The following ELP4 variants were observed in gnomAD, a reference collection of about 807,000 sequenced individuals.
ELP4 encodes elongator acetyltransferase complex subunit 4.
A neutral mutation model predicts 48.9 loss-of-function variants in ELP4; 51 were observed. The ratio of observed to expected loss-of-function variants is 1.04; its 90% CI spans 0.83 to 1.32. The LOEUF is 1.32. Among genes scored for constraint, ELP4 ranks in the 40% most tolerant of loss-of-function variants. The pLI, the probability that ELP4 is intolerant of heterozygous loss-of-function variation, is 0.00. For synonymous variants in ELP4, 210 were observed against 189.2 expected (o/e 1.11, Z -0.90); for missense variants, 519 against 514.6 (o/e 1.01, Z -0.08).
intron 2 of ELP4, among the ~76,000 whole-genome samples, chr11:31,533,721 G>A (rs1013630129): frequency 2.6e-5 from 4 of 151,942 alleles, no homozygotes; most frequent in African/African-American, 9.7e-5. Flanking sequence ...GAGATCATCA[G>A]GTTTGCATTT....
intron 9 of ELP4, among the ~76,000 whole-genome samples, chr11:31,720,697 A>C (rs1383451736): frequency 6.6e-6 from 1 of 152,200 alleles, no homozygotes; most frequent in Non-Finnish European, 1.5e-5. Flanking sequence ...TATCCTTATT[A>C]AGTGTCCACC....
At chr11:31,618,325 A>C (rs563234007) in intron 5 of ELP4, among the ~76,000 whole-genome samples, 1 of 152,248 alleles carries the variant, frequency 6.6e-6, no homozygotes, top group Non-Finnish European at 1.5e-5. Flanking sequence ...TTGAAAGCCC[A>C]AGGTCAAGTT....
chr11:31,747,843 A>G (rs1482790770), intron 9 of ELP4, among the ~76,000 whole-genome samples: 3 of 152,374 alleles, frequency 2.0e-5, no homozygotes, highest in East Asian at 1.9e-4. Flanking sequence ...CAAATGATTA[A>G]TGATTTTTGC....
chr11:31,717,429 A>G (rs1033896141), intron 9 of ELP4, among the ~76,000 whole-genome samples: 2 of 152,158 alleles, frequency 1.3e-5, no homozygotes, highest in Non-Finnish European at 2.9e-5. Flanking sequence ...TTGTTATTCA[A>G]TGGTTAATAA....
intron 9 of ELP4, among the ~76,000 whole-genome samples, chr11:31,657,722 G>C (rs867977962): frequency 7.2e-4 from 109 of 151,860 alleles, no homozygotes; most frequent in African/African-American, 2.6e-3. Flanking sequence ...AAATATACAG[G>C]AGTTATATAA....
At chr11:31,567,228 C>T (rs1388422232) in intron 3 of ELP4, among the ~76,000 whole-genome samples, 2 of 152,048 alleles carry the variant, frequency 1.3e-5, no homozygotes, top group Admixed American at 1.3e-4. Context: ...CCACCGCACC[C>T]GGCCTGTAGT....
chr11:31,531,611 A>G (rs975058136), intron 2 of ELP4, among the ~76,000 whole-genome samples: 4 of 152,192 alleles, frequency 2.6e-5, no homozygotes, highest in Non-Finnish European at 5.9e-5. Context: ...GCTAACAAGT[A>G]GTTTGCTATC....
intron 9 of ELP4, among the ~76,000 whole-genome samples, chr11:31,746,431 A>G (rs1359227745): frequency 3.3e-5 from 5 of 152,192 alleles, no homozygotes; most frequent in African/African-American, 4.8e-5. Context: ...ATAAAGACAC[A>G]TGCACACGTG....
chr11:31,544,922 A>G (rs1412007332), intron 3 of ELP4, among the ~76,000 whole-genome samples: 2 of 152,166 alleles, frequency 1.3e-5, no homozygotes, highest in Non-Finnish European at 2.9e-5. Flanking sequence ...GCAAACTCCA[A>G]CAGACATGCA....
chr11:31,707,659 A>G (rs954238172), intron 9 of ELP4, among the ~76,000 whole-genome samples: 3 of 152,172 alleles, frequency 2.0e-5, no homozygotes, highest in African/African-American at 7.2e-5. Context: ...TTAAAATAAC[A>G]TAAATTATTT....
intron 1 of ELP4, among the ~76,000 whole-genome samples, chr11:31,519,355 T>G (rs916717402): frequency 6.6e-6 from 1 of 152,236 alleles, no homozygotes; most frequent in East Asian, 1.9e-4. Flanking sequence ...TAATAATCTT[T>G]GTTGTACTTC....
At chr11:31,705,159 T>C (rs1233855178) in intron 9 of ELP4, among the ~76,000 whole-genome samples, 2 of 152,134 alleles carry the variant, frequency 1.3e-5, no homozygotes, top group African/African-American at 2.4e-5. Flanking sequence ...TGGCTCATGG[T>C]TTTGGAGACT....
chr11:31,773,879 T>C (rs1392911034), intron 9 of ELP4, among the ~76,000 whole-genome samples: 5 of 152,186 alleles, frequency 3.3e-5, no homozygotes, highest in Non-Finnish European at 7.3e-5. Context: ...GACTGTTACA[T>C]TGTAAGACTT....
intron 3 of ELP4, among the ~76,000 whole-genome samples, chr11:31,568,102 G>A (rs938380791): frequency 3.3e-5 from 5 of 152,158 alleles, no homozygotes; most frequent in Non-Finnish European, 5.9e-5. Flanking sequence ...AATGACTTCA[G>A]TAAAGTTTCA....
In ELP4 at chr11:31,616,956, G is replaced by A. The variant is rs529658656; in HGVS notation, c.654-10154G>A. On this transcript the variant is annotated intron_variant, in intron 5 of 9. Coordinates refer to ENST00000640961, the MANE Select transcript of ELP4 (RefSeq NM_019040.5). ...GATCAAGTGTTGGTTAGGATGTGGAGAAATTGGAACCCTTGTGCACTATTT... is the reference window on the plus strand; with the variant it reads ...GATCAAGTGTTGGTTAGGATGTGGAAAAATTGGAACCCTTGTGCACTATTT... 2.0e-5 allele frequency among the ~76,000 whole-genome samples: 3 copies of A among 152,158 alleles called. No individual in the cohort carries two copies. In the South Asian group the frequency reaches 6.2e-4, roughly 32 times the overall value.
At chr11:31,612,335 G>A (rs1957997565) in intron 5 of ELP4, among the ~76,000 whole-genome samples, 3 of 152,140 alleles carry the variant, frequency 2.0e-5, no homozygotes, top group Admixed American at 2.0e-4. Context: ...CTTACCTCTT[G>A]GGAGTTTGGG....
intron 1 of ELP4, chr11:31,512,161 T>C (rs1956021844): frequency 6.6e-6 from 1 of 152,230 alleles, no homozygotes; most frequent in African/African-American, 2.4e-5. Flanking sequence ...ACAAGCCTAA[T>C]ATGACTATAT....
At chr11:31,627,659 T>A (rs957360351) in intron 6 of ELP4, among the ~76,000 whole-genome samples, 1 of 152,074 alleles carries the variant, frequency 6.6e-6, no homozygotes, top group South Asian at 2.1e-4. Flanking sequence ...TATTAAATAT[T>A]TTATAACAAC....
At chr11:31,635,237 T>G (rs1372055450) in intron 7 of ELP4, among the ~76,000 whole-genome samples, 1 of 151,964 alleles carries the variant, frequency 6.6e-6, no homozygotes, top group Non-Finnish European at 1.5e-5. Flanking sequence ...AGAAAGGTAA[T>G]CAAAGATGTA....
Sources: gnomAD v4.1 joint callset for allele counts (sites outside exome capture counted in the v4.1 genomes callset) on GRCh38, gnomAD v4.1.1 for gene constraint, MANE v1.5 for transcripts, NCBI Gene and HGNC (gene_info 2026-07-23, HGNC 2026-07-21) for gene names.